The following CNTNAP2 variants were observed in gnomAD, a reference collection of about 807,000 sequenced individuals.
The protein encoded by CNTNAP2 is contactin-associated protein-like 2.
CNTNAP2 carries 98 observed loss-of-function variants against 155.2 expected under a neutral mutation model. That is an observed-to-expected ratio of 0.63 (90% CI 0.54 to 0.75). The LOEUF (loss-of-function observed/expected upper bound fraction) is 0.75. Ranked by LOEUF, CNTNAP2 falls within the 30% of genes least tolerant of loss-of-function variation. The probability of loss-of-function intolerance (pLI) is 0.00; values close to 1 mark genes in which losing one functional copy is unlikely to be tolerated. For synonymous variants in CNTNAP2, 651 were observed against 631.2 expected, an observed-to-expected ratio of 1.03 and a Z score of -0.47; for missense variants, 1,727 against 1,688.1, an observed-to-expected ratio of 1.02 and a Z score of -0.40.
At chr7:146,149,212 T>C (rs1797999334) in intron 1 of CNTNAP2, among the ~76,000 whole-genome samples, 1 of 151,868 alleles carries the variant, frequency 6.6e-6, no homozygotes, top group African/African-American at 2.4e-5. Flanking sequence ...CAAAAAAAAA[T>C]ATGGTATCTT....
intron 13 of CNTNAP2, among the ~76,000 whole-genome samples, chr7:147,668,861 C>T (rs117781995): frequency 0.04 from 6,145 of 152,144 alleles, 139 homozygotes; most frequent in Middle Eastern, 0.13. Context: ...TGCGGTGATG[C>T]CCTAGGTGTT....
intron 8 of CNTNAP2, among the ~76,000 whole-genome samples, chr7:147,159,056 G>A (rs563560556): frequency 6.6e-6 from 1 of 152,122 alleles, no homozygotes; most frequent in Non-Finnish European, 1.5e-5. Flanking sequence ...TTCTTGATTT[G>A]GGCAAGAGGA....
rs193109337 is a variant in CNTNAP2, at chr7:147,311,841, G to A, written c.1498+11551G>A. On this transcript the variant is annotated intron_variant, in intron 9 of 23. Coordinates refer to ENST00000361727, the MANE Select transcript of CNTNAP2 (RefSeq NM_014141.6). ...GGAAATTCAAGTAATATTCTTATAT[G>A]TACAGAAACAAACAGAATGGGATCC... Among the ~76,000 whole-genome samples, 334 of 152,188 alleles carry A rather than the reference G, an allele frequency of 2.2e-3. 3 individuals carry two copies. Among genetic ancestry groups the A allele is most frequent in the African/African-American group, 7.4e-3 (309 of 41,526 alleles).
chr7:147,049,449 G>A (rs963893317), intron 4 of CNTNAP2, among the ~76,000 whole-genome samples: 1 of 152,158 alleles, frequency 6.6e-6, no homozygotes, highest in African/African-American at 2.4e-5. Context: ...GTCCTTAGAA[G>A]ATGATACTCT....
intron 10 of CNTNAP2, among the ~76,000 whole-genome samples, chr7:147,422,195 T>A (rs2116510488): frequency 6.8e-6 from 1 of 146,148 alleles, no homozygotes; most frequent in East Asian, 2.0e-4. Flanking sequence ...CACTATATAG[T>A]ATGTATATAT....
At chr7:146,440,936 G>C (rs1464722955) in intron 1 of CNTNAP2, among the ~76,000 whole-genome samples, 1 of 151,534 alleles carries the variant, frequency 6.6e-6, no homozygotes, top group Non-Finnish European at 1.5e-5. Flanking sequence ...TGTGATTGTT[G>C]ATTGTACATT....
rs796899963 is a variant in CNTNAP2, at chr7:148,115,825, T to G, written c.2384-2293T>G. Among the ~76,000 whole-genome samples the G allele has an allele frequency of 1.4e-4, 21 of 152,124 alleles. 1 individual carries two copies. The highest frequency in any genetic ancestry group is 4.8e-4 in the African/African-American group (20 of 41,526). ...GCCTATTTTCTCCTACTGAAATCTA[T>G]GATTTTATACTTTGTTTAAAAAAAA... On this transcript the variant is annotated intron_variant, in intron 15 of 23. Coordinates refer to ENST00000361727, the MANE Select transcript of CNTNAP2 (RefSeq NM_014141.6).
chr7:148,325,558 G>T (rs1048629623), intron 21 of CNTNAP2, among the ~76,000 whole-genome samples: 6 of 152,216 alleles, frequency 3.9e-5, no homozygotes, highest in Non-Finnish European at 1.5e-5. Flanking sequence ...CTAATTCAGA[G>T]AGTTGCACAG....
At chr7:148,385,715 A>G (rs1030675472) in intron 22 of CNTNAP2, among the ~76,000 whole-genome samples, 74 of 151,274 alleles carry the variant, frequency 4.9e-4, no homozygotes, top group Admixed American at 1.5e-3. Context: ...CTTTAAAAAA[A>G]TCATGCTTTG....
At chr7:146,321,610 A>G (rs2129092569) in intron 1 of CNTNAP2, among the ~76,000 whole-genome samples, 1 of 152,292 alleles carries the variant, frequency 6.6e-6, no homozygotes, top group Admixed American at 6.5e-5. Flanking sequence ...ACAGAAGAGA[A>G]TGGAGTGTGG....
chr7:146,588,212 G>A (rs920109369), intron 1 of CNTNAP2, among the ~76,000 whole-genome samples: 2 of 152,106 alleles, frequency 1.3e-5, no homozygotes, highest in South Asian at 4.1e-4. Flanking sequence ...GATTAAGGAT[G>A]AGGTTAAGTA....
chr7:147,508,652 T>C (rs745608930), intron 11 of CNTNAP2, among the ~76,000 whole-genome samples: 1 of 152,184 alleles, frequency 6.6e-6, no homozygotes, highest in Non-Finnish European at 1.5e-5. Flanking sequence ...TCCCTGCATG[T>C]CATGGGAGGG....
intron 21 of CNTNAP2, among the ~76,000 whole-genome samples, chr7:148,276,894 G>A (rs1383622613): frequency 2.0e-5 from 3 of 152,182 alleles, no homozygotes; most frequent in African/African-American, 4.8e-5. Flanking sequence ...AAAATGCAAT[G>A]TCTTTATCTG....
intron 4 of CNTNAP2, among the ~76,000 whole-genome samples, chr7:147,069,676 C>G (rs1234082083): frequency 1.3e-5 from 2 of 152,128 alleles, no homozygotes; most frequent in Admixed American, 6.5e-5. Context: ...TTCTGACAAT[C>G]GGAGATCCAG....
chr7:148,327,189 T>C (rs1304881955), intron 21 of CNTNAP2, among the ~76,000 whole-genome samples: 4 of 152,112 alleles, frequency 2.6e-5, no homozygotes, highest in African/African-American at 9.7e-5. Context: ...GCTGCTGCAG[T>C]GGCCCGTGGG....
At chr7:146,410,623 T>G (rs1795852527) in intron 1 of CNTNAP2, among the ~76,000 whole-genome samples, 1 of 152,148 alleles carries the variant, frequency 6.6e-6, no homozygotes, top group Admixed American at 6.5e-5. Context: ...GTAACAGTTA[T>G]TTTTCCTGAT....
intron 1 of CNTNAP2, among the ~76,000 whole-genome samples, chr7:146,584,599 G>A (rs1046299681): frequency 1.3e-5 from 2 of 152,058 alleles, no homozygotes; most frequent in Non-Finnish European, 2.9e-5. Flanking sequence ...TCACATCCTC[G>A]CACTACATCA....
chr7:148,177,889 G>T (rs1454966531), intron 18 of CNTNAP2, among the ~76,000 whole-genome samples: 2 of 103,114 alleles, frequency 1.9e-5, no homozygotes, highest in East Asian at 3.2e-4. Context: ...GAATTGAACA[G>T]ACACTGTTTT....
intron 14 of CNTNAP2, among the ~76,000 whole-genome samples, chr7:147,906,372 T>C (rs1799958197): frequency 6.6e-6 from 1 of 152,198 alleles, no homozygotes; most frequent in East Asian, 1.9e-4. Flanking sequence ...GGTTTCACCA[T>C]GTTGACCAGA....
Sources: gnomAD v4.1 joint callset for allele counts (sites outside exome capture counted in the v4.1 genomes callset) on GRCh38, gnomAD v4.1.1 for gene constraint, MANE v1.5 for transcripts, NCBI Gene and HGNC (gene_info 2026-07-23, HGNC 2026-07-21) for gene names.